Variants in COL4A4 observed in about 807,000 individuals in gnomAD.
The protein encoded by COL4A4 is collagen alpha-4(IV) chain.
A neutral mutation model predicts 192.9 loss-of-function variants in COL4A4; 105 were observed. The observed-to-expected ratio is 0.54, with a 90% CI of 0.46 to 0.64. The LOEUF is 0.64. COL4A4 is among the 30% of genes least tolerant of loss of function. The probability of loss-of-function intolerance (pLI) is 0.00; values close to 1 mark genes in which losing one functional copy is unlikely to be tolerated. For synonymous variants in COL4A4, 762 were observed against 769.9 expected, an observed-to-expected ratio of 0.99 and a Z score of 0.17; for missense variants, 1,967 against 2,169.3, an observed-to-expected ratio of 0.91 and a Z score of 1.85.
At chr2:227,041,779 G>A (rs1362752139) in intron 37 of COL4A4, among the ~76,000 whole-genome samples, 1,205 of 62,096 alleles carry the variant, frequency 0.019, 100 homozygotes, top group East Asian at 0.09. Context: ...AGGAAGGAAG[G>A]AAGGAAGGGA....
intron 25 of COL4A4, among the ~76,000 whole-genome samples, chr2:227,065,208 C>G (rs548462057): frequency 2.7e-4 from 41 of 152,340 alleles, no homozygotes; most frequent in African/African-American, 9.9e-4. Flanking sequence ...ACCAGGAGAT[C>G]ACATCCCGCA....
intron 42 of COL4A4, 147 bp downstream of exon 42, chr2:227,027,755 G>T: frequency 1.5e-6 from 1 of 652,956 alleles, no homozygotes; most frequent in Non-Finnish European, 2.7e-6. Context: ...ACTTTGTAGT[G>T]CGGCCTGAAA....
chr2:227,041,854 GAAAGAA>G lies in COL4A4; in HGVS notation c.3505+288_3505+293del, dbSNP rs1178985228. Among the ~76,000 whole-genome samples, 202 of 99,166 alleles carry G rather than the reference GAAAGAA, an allele frequency of 2.0e-3. 4 individuals are homozygous for G. Among genetic ancestry groups the G allele is most frequent in the African/African-American group, 2.5e-3 (57 of 22,496 alleles). 65.1% of individuals were successfully genotyped at this position (99,166 alleles called of 152,430 possible). On this transcript the variant is annotated intron_variant, in intron 37 of 47. Coordinates refer to ENST00000396625, the MANE Select transcript of COL4A4 (RefSeq NM_000092.5). ...AAAGAAAGAAAGAAAGAAAGAGAAA[GAAAGAA>G]AGAAAGAAAGAAAGAAAGAAAGAAA...
At chr2:227,114,559 G>C in intron 8 of COL4A4, 69 bp downstream of exon 8, 1 of 1,195,806 alleles carries the variant, frequency 8.4e-7, no homozygotes, top group East Asian at 2.3e-5. Flanking sequence ...TCCTGTCTGA[G>C]TATTTCCTGC....
intron 41 of COL4A4, among the ~76,000 whole-genome samples, chr2:227,029,332 T>G (rs1341655796): frequency 6.6e-6 from 1 of 152,212 alleles, no homozygotes; most frequent in Non-Finnish European, 1.5e-5. Context: ...TGTTAGCACG[T>G]CAGTCCAATT....
chr2:226,980,476 C>A, the COL4A4 span, among the ~76,000 whole-genome samples: 1 of 152,166 alleles, frequency 6.6e-6, no homozygotes, highest in South Asian at 2.1e-4. Context: ...CATTTACCTT[C>A]TCTGAACTTC....
At position 227,030,301 on chromosome 2, in the gene COL4A4, G is replaced by A. The variant is rs188274060; in HGVS notation, c.3973+142C>T. ...TGTCCAACTTTGACCCAAACTTCAG[G>A]ACTCTTTGGGGAAATAAGGACATTT... On this transcript the variant is annotated intron_variant, in intron 41 of 47. Coordinates refer to ENST00000396625, the MANE Select transcript of COL4A4 (RefSeq NM_000092.5). 175 of 888,516 alleles carry A rather than the reference G, an allele frequency of 2.0e-4. No homozygotes were observed. The East Asian group carries it at 4.1e-3, about 21-fold the overall frequency. 55.0% of individuals were successfully genotyped at this position (888,516 alleles called of 1,614,324 possible).
At position 227,051,038 on chromosome 2, in the gene COL4A4, C is replaced by T. The variant is rs772699709; in HGVS notation, c.3089G>A (p.Gly1030Asp). The change falls in exon 33 of 48, where the codon GGC (glycine) becomes GAC (aspartate). Residue 1030 changes from glycine (G) to aspartate (D), a missense_variant. Coordinates refer to ENST00000396625, the MANE Select transcript of COL4A4 (RefSeq NM_000092.5). ...TCTTAGACCAGTTGAGCCTGGAGGG[C>T]CTGGGGGTCCAGGAGGCCCTGGCTG... ...KGQPGPPGPP[G>D]PPGSTGLRGF... The T allele has an allele frequency of 1.2e-6, 2 of 1,614,068 alleles. No individual in the cohort carries two copies. Among genetic ancestry groups the T allele is most frequent in the African/African-American group, 2.7e-5 (2 of 74,928 alleles).
chr2:227,144,216 G>C lies in COL4A4; in HGVS notation c.114+300C>G, dbSNP rs1418129749. On this transcript the variant is annotated intron_variant, in intron 3 of 47. Transcript: ENST00000396625. ...GAGCTAAAATGTTCAAATTATTCTT[G>C]TATTTCTTGATTTAATCTTGAAATG... is the stretch of plus-strand genomic sequence containing the variant. Among the ~76,000 whole-genome samples, 3 of 152,048 alleles carry C rather than the reference G, an allele frequency of 2.0e-5. No individual in the cohort carries two copies. The East Asian group carries it at 5.8e-4, about 29-fold the overall frequency.
intron 22 of COL4A4, among the ~76,000 whole-genome samples, chr2:227,086,863 A>G (rs1353772121): frequency 1.3e-5 from 2 of 152,256 alleles, no homozygotes; most frequent in African/African-American, 2.4e-5. Context: ...GCTTATGCAC[A>G]TACATGCATT....
intron 28 of COL4A4, among the ~76,000 whole-genome samples, chr2:227,059,155 T>G (rs1264507697): frequency 6.6e-6 from 1 of 152,202 alleles, no homozygotes; most frequent in East Asian, 1.9e-4. Context: ...ACATACTAGC[T>G]GCGGAATCAA....
At chr2:226,995,406 T>G in the COL4A4 span, 1 of 1,484,188 alleles carries the variant, frequency 6.7e-7, no homozygotes, top group Non-Finnish European at 9.4e-7. Context: ...AATGATTGAT[T>G]TTTCCTTTGG....
chr2:227,032,152 G>C lies in COL4A4; in HGVS notation c.3702C>G (p.Pro1234=). The C allele has an allele frequency of 6.2e-7, 1 of 1,614,176 alleles. No homozygotes were observed. Among genetic ancestry groups the C allele is most frequent in the South Asian group, 1.1e-5 (1 of 91,090 alleles). ...GPRGKKGPPG[P]PGSSGPPGPA... is the part of the protein sequence containing the mutation. ...GCAAAGCATGCTACAGCTTACCTGG[G>C]GGTCCTGGGGGACCTTTCTTTCCAC... Residue 1234 remains proline (P), a synonymous_variant, in exon 39 of 48, where the codon CCC becomes CCG. Coordinates refer to ENST00000396625, the MANE Select transcript of COL4A4 (RefSeq NM_000092.5).
At chr2:227,080,613 G>C in intron 23 of COL4A4, 64 bp from the exon 24 acceptor site, 1 of 1,402,326 alleles carries the variant, frequency 7.1e-7, no homozygotes, top group Non-Finnish European at 1.0e-6. Flanking sequence ...GGATAGAGAG[G>C]ACAAAAAATA....
chr2:227,025,783 AT>A lies in COL4A4; in HGVS notation c.4090+18del. On this transcript the variant is annotated intron_variant, in intron 43 of 47. Coordinates refer to ENST00000396625, the MANE Select transcript of COL4A4 (RefSeq NM_000092.5). ...AAACCAGAGTGAGGGGAAATTACCA[AT>A]TTTATAGCAAAGCTTACCTCTGGGA... is the stretch of plus-strand genomic sequence containing the variant. The A allele has an allele frequency of 1.2e-6, 2 of 1,611,726 alleles. No homozygotes were observed. The highest frequency in any genetic ancestry group is 1.1e-5 in the South Asian group (1 of 90,994).
intron 43 of COL4A4, among the ~76,000 whole-genome samples, chr2:227,024,444 C>T (rs1191857617): frequency 3.9e-5 from 6 of 152,024 alleles, no homozygotes. Flanking sequence ...CCTGGGAGTG[C>T]AGTGGTGGAA....
At chr2:227,127,780 A>G (rs1450576558) in intron 4 of COL4A4, among the ~76,000 whole-genome samples, 1 of 152,250 alleles carries the variant, frequency 6.6e-6, no homozygotes, top group Non-Finnish European at 1.5e-5. Context: ...AAATACAGGT[A>G]CAGCCACACT....
intron 7 of COL4A4, among the ~76,000 whole-genome samples, chr2:227,117,580 C>T (rs145782049): frequency 4.0e-4 from 61 of 150,744 alleles, no homozygotes; most frequent in African/African-American, 1.5e-3. Flanking sequence ...TTATGGTGGT[C>T]ATGCTAAGAA....
chr2:226,988,210 A>T, the COL4A4 span: 1 of 841,996 alleles, frequency 1.2e-6, no homozygotes, highest in Non-Finnish European at 1.8e-6. Context: ...TTACCCAAAG[A>T]CAGTCTCAAG....
Sources: allele counts gnomAD v4.1 joint callset (sites outside exome capture counted in the v4.1 genomes callset), GRCh38; gene constraint gnomAD v4.1.1; transcripts MANE v1.5; gene names NCBI Gene and HGNC (gene_info 2026-07-23, HGNC 2026-07-21).